GRID2: variants seen among roughly 807,000 people sequenced by gnomAD.
The protein encoded by GRID2 is glutamate ionotropic receptor delta type subunit 2.
GRID2 carries 33 observed loss-of-function variants against 114.8 expected under a neutral mutation model. The observed-to-expected ratio is 0.29, with a 90% CI of 0.22 to 0.38. The LOEUF is 0.38. GRID2 is among the 10% of genes least tolerant of loss of function. The pLI, the probability that GRID2 is intolerant of heterozygous loss-of-function variation, is 1.00. For synonymous variants in GRID2, 505 were observed against 449.9 expected (o/e 1.12, Z -1.55); for missense variants, 1,184 against 1,257.7 (o/e 0.94, Z 0.89).
intron 8 of GRID2, among the ~76,000 whole-genome samples, chr4:93,274,493 AAATT>A (rs2149574688): frequency 6.6e-6 from 1 of 151,312 alleles, no homozygotes; most frequent in Non-Finnish European, 1.5e-5. Flanking sequence ...ATCACTACCA[AAATT>A]AGGTAATGGT....
At chr4:93,220,269 G>A (rs1744723941) in intron 6 of GRID2, among the ~76,000 whole-genome samples, 1 of 151,794 alleles carries the variant, frequency 6.6e-6, no homozygotes, top group Admixed American at 6.6e-5. Flanking sequence ...TAGATTGGGA[G>A]AATGTCATAA....
chr4:92,961,873 T>C (rs1184326810), intron 2 of GRID2, among the ~76,000 whole-genome samples: 2 of 151,922 alleles, frequency 1.3e-5, no homozygotes, highest in South Asian at 4.1e-4. Context: ...TAATCTTTTT[T>C]TATTTTTCTT....
chr4:92,889,921 T>C (rs775716425), intron 2 of GRID2, among the ~76,000 whole-genome samples: 1 of 152,032 alleles, frequency 6.6e-6, no homozygotes, highest in African/African-American at 2.4e-5. Flanking sequence ...AACAGACATA[T>C]AGACCAATGG....
At chr4:93,271,179 G>T (rs1055002978) in intron 8 of GRID2, among the ~76,000 whole-genome samples, 1 of 152,118 alleles carries the variant, frequency 6.6e-6, no homozygotes, top group African/African-American at 2.4e-5. Context: ...TCTGAAGCAC[G>T]TAGACATATC....
At chr4:93,131,942 A>T (rs1480950724) in intron 4 of GRID2, among the ~76,000 whole-genome samples, 2 of 152,174 alleles carry the variant, frequency 1.3e-5, no homozygotes, top group South Asian at 2.1e-4. Flanking sequence ...GTCTCTCAGT[A>T]TTGTTATATC....
At chr4:92,664,940 G>C (rs904436646) in intron 2 of GRID2, among the ~76,000 whole-genome samples, 1 of 146,436 alleles carries the variant, frequency 6.8e-6, no homozygotes, top group Non-Finnish European at 1.5e-5. Flanking sequence ...TGAATCTTTA[G>C]TAAACAGCAT....
intron 1 of GRID2, among the ~76,000 whole-genome samples, chr4:92,410,233 G>T (rs540597263): frequency 2.0e-4 from 31 of 152,158 alleles, no homozygotes; most frequent in African/African-American, 7.0e-4. Flanking sequence ...ACTTCTATAT[G>T]GGCACATGTT....
At chr4:93,185,544 A>G (rs545296649) in intron 4 of GRID2, among the ~76,000 whole-genome samples, 1 of 152,286 alleles carries the variant, frequency 6.6e-6, no homozygotes, top group Non-Finnish European at 1.5e-5. Context: ...AAGATTTGTA[A>G]TATAAACATG....
intron 2 of GRID2, among the ~76,000 whole-genome samples, chr4:92,842,067 C>A (rs1447095897): frequency 6.6e-6 from 1 of 152,050 alleles, no homozygotes; most frequent in Non-Finnish European, 1.5e-5. Flanking sequence ...TAGGTGTCAT[C>A]TCTCTAAATA....
At chr4:93,284,311 C>T (rs2149132288) in intron 8 of GRID2, among the ~76,000 whole-genome samples, 1 of 152,106 alleles carries the variant, frequency 6.6e-6, no homozygotes, top group Non-Finnish European at 1.5e-5. Flanking sequence ...CCTGTCATCA[C>T]ATGGACACAT....
intron 4 of GRID2, among the ~76,000 whole-genome samples, chr4:93,133,161 GTC>G (rs146709791): frequency 9.9e-5 from 15 of 151,222 alleles, no homozygotes; most frequent in African/African-American, 3.4e-4. Context: ...CTCTCTCTCG[GTC>G]TCTCTCTCTC....
At chr4:93,758,066 G>A (rs1175688011) in intron 14 of GRID2, among the ~76,000 whole-genome samples, 1 of 152,200 alleles carries the variant, frequency 6.6e-6, no homozygotes, top group Admixed American at 6.5e-5. Context: ...CTAAAATGAA[G>A]AGAAACTGTT....
intron 14 of GRID2, among the ~76,000 whole-genome samples, chr4:93,632,790 G>A (rs950017353): frequency 6.6e-6 from 1 of 151,170 alleles, no homozygotes; most frequent in South Asian, 2.2e-4. Flanking sequence ...GGCATTGAAT[G>A]TATAAATTAC....
At chr4:93,084,089 A>C (rs1416048903) in intron 2 of GRID2, among the ~76,000 whole-genome samples, 1 of 152,086 alleles carries the variant, frequency 6.6e-6, no homozygotes, top group Non-Finnish European at 1.5e-5. Context: ...TAAAATGAAA[A>C]TAATTTTTTC....
chr4:93,209,811 G>A (rs1743245375), intron 5 of GRID2, among the ~76,000 whole-genome samples: 1 of 152,016 alleles, frequency 6.6e-6, no homozygotes, highest in African/African-American at 2.4e-5. Flanking sequence ...GTGTGAGATG[G>A]TATCTCATAG....
chr4:93,477,176 GAAC>G (rs1190036289), intron 11 of GRID2, among the ~76,000 whole-genome samples: 2 of 152,040 alleles, frequency 1.3e-5, no homozygotes, highest in Non-Finnish European at 2.9e-5. Flanking sequence ...AGTAGCCAGA[GAAC>G]AATAGAAAGC....
intron 14 of GRID2, among the ~76,000 whole-genome samples, chr4:93,713,146 A>G (rs1055398655): frequency 1.3e-5 from 2 of 152,180 alleles, no homozygotes; most frequent in Non-Finnish European, 2.9e-5. Flanking sequence ...TTAGACAATG[A>G]ATTTCTAATG....
chr4:92,508,289 C>T (rs993980506), intron 1 of GRID2, among the ~76,000 whole-genome samples: 15 of 151,934 alleles, frequency 9.9e-5, no homozygotes. Context: ...CTACATACCA[C>T]TCATACTACA....
intron 8 of GRID2, among the ~76,000 whole-genome samples, chr4:93,383,980 T>G (rs1374286900): frequency 6.6e-6 from 1 of 152,044 alleles, no homozygotes; most frequent in Non-Finnish European, 1.5e-5. Context: ...ATAAAATACC[T>G]TAGTTTGGGT....
Sources: allele counts gnomAD v4.1 joint callset (sites outside exome capture counted in the v4.1 genomes callset), GRCh38; gene constraint gnomAD v4.1.1; transcripts MANE v1.5; gene names NCBI Gene and HGNC (gene_info 2026-07-23, HGNC 2026-07-21).